Variants in STX7 observed in about 807,000 individuals in gnomAD.
STX7 encodes the protein syntaxin 7, also known as syntaxin-7.
A neutral mutation model predicts 39.6 loss-of-function variants in STX7; 34 were observed. The observed-to-expected ratio is 0.86, with a 90% CI of 0.65 to 1.14. STX7 has a LOEUF of 1.14. STX7 is among the 50% of genes most tolerant of loss of function. The probability of loss-of-function intolerance (pLI) is 0.00; values close to 1 mark genes in which losing one functional copy is unlikely to be tolerated. For missense variants in STX7, 284 were observed against 310.4 expected (o/e 0.92, Z 0.64); for synonymous variants, 119 against 99.1 (o/e 1.20, Z -1.19).
intron 1 of STX7, among the ~76,000 whole-genome samples, chr6:132,512,752 C>T (rs1361607831): frequency 3.3e-5 from 5 of 152,124 alleles, no homozygotes; most frequent in Non-Finnish European, 7.4e-5. Flanking sequence ...GCTGGGTAGG[C>T]CCACCTGACC....
chr6:132,505,431 C>T (rs952630983), intron 1 of STX7, among the ~76,000 whole-genome samples: 5 of 152,178 alleles, frequency 3.3e-5, no homozygotes, highest in Non-Finnish European at 5.9e-5. Context: ...TGCCTGGCCA[C>T]GCTGAAAGTC....
At chr6:132,479,523 G>A (rs1038995124) in intron 2 of STX7, among the ~76,000 whole-genome samples, 1 of 152,178 alleles carries the variant, frequency 6.6e-6, no homozygotes, top group Non-Finnish European at 1.5e-5. Flanking sequence ...TGTTCACCAT[G>A]AATTGTATCT....
intron 2 of STX7, among the ~76,000 whole-genome samples, chr6:132,496,705 A>G (rs1172188475): frequency 1.3e-5 from 2 of 152,218 alleles, no homozygotes; most frequent in African/African-American, 4.8e-5. Context: ...CACAGAAAAT[A>G]CACATGAGAA....
rs959710812 is a variant in STX7, at chr6:132,452,740, T to G, written c.*8018A>C. The G allele has an allele frequency of 6.6e-6, 1 of 152,018 alleles. No individual in the cohort carries two copies. The highest frequency in any genetic ancestry group is 2.4e-5 in the African/African-American group (1 of 41,410). 9.4% of individuals were successfully genotyped at this position (152,018 alleles called of 1,614,324 possible). A position where few individuals can be genotyped will look rare whatever the true frequency, so the allele number is the denominator to read the frequency against. ...GAAGGAAAACAAAATTTAACTGAAA[T>G]GAAGTGAAGTGATCCTGTGATCATG... On this transcript the variant is annotated 3_prime_UTR_variant, in exon 10 of 10. Transcript: ENST00000367941.
At chr6:132,488,634 T>G (rs1157058261) in intron 2 of STX7, among the ~76,000 whole-genome samples, 5 of 152,178 alleles carry the variant, frequency 3.3e-5, no homozygotes, top group African/African-American at 1.2e-4. Flanking sequence ...CATACTTGAG[T>G]GCTAATACTT....
chr6:132,468,502 A>G lies in STX7; in HGVS notation c.538-27T>C, dbSNP rs368619021. 9.6e-6 allele frequency: 15 copies of G among 1,559,434 alleles called. No individual in the cohort carries two copies. In the African/African-American group the frequency reaches 1.7e-4, roughly 17 times the overall value. ...TAAGAGAAAACGCATATATTATTATAATCAGAAATTCAGTCCCCATTCCAT... is the reference window on the plus strand; with the variant it reads ...TAAGAGAAAACGCATATATTATTATGATCAGAAATTCAGTCCCCATTCCAT... On this transcript the variant is annotated intron_variant, in intron 7 of 9. Transcript: ENST00000367941.
intron 2 of STX7, among the ~76,000 whole-genome samples, chr6:132,494,899 C>T (rs1266800581): frequency 6.6e-6 from 1 of 152,140 alleles, no homozygotes; most frequent in African/African-American, 2.4e-5. Flanking sequence ...GTGAGGAGAA[C>T]AATTTGGAGA....
intron 8 of STX7, among the ~76,000 whole-genome samples, chr6:132,467,380 C>T (rs1484714318): frequency 6.6e-6 from 1 of 152,146 alleles, no homozygotes; most frequent in East Asian, 1.9e-4. Context: ...TACCTAACTA[C>T]CCTGTGTCAA....
rs746033591 is a variant in STX7 at position 132,461,473 on chromosome 6, A to AT, written c.694-624dup. Among the ~76,000 whole-genome samples, 461 of 148,132 alleles carry AT rather than the reference A, an allele frequency of 3.1e-3. 1 individual carries two copies. The highest frequency in any genetic ancestry group is 4.5e-3 in the Non-Finnish European group (302 of 66,568). ...AGGCGCGTGCCACCACACCCAGCTA[A>AT]TTTTTTTTTTGTATTTTTAGTAGAG... On this transcript the variant is annotated intron_variant, in intron 9 of 9. Coordinates refer to ENST00000367941, the MANE Select transcript of STX7 (RefSeq NM_003569.3).
chr6:132,489,068 G>A (rs1410236685), intron 2 of STX7, among the ~76,000 whole-genome samples: 1 of 151,986 alleles, frequency 6.6e-6, no homozygotes, highest in Admixed American at 6.6e-5. Context: ...CAAGTATGGT[G>A]GCACACCCCT....
chr6:132,493,559 C>T (rs531717793), intron 2 of STX7, among the ~76,000 whole-genome samples: 1 of 152,312 alleles, frequency 6.6e-6, no homozygotes, highest in South Asian at 2.1e-4. Context: ...TAAGAAGTCC[C>T]CATGCTTTTC....
intron 8 of STX7, among the ~76,000 whole-genome samples, chr6:132,464,557 A>G (rs574915932): frequency 6.6e-6 from 1 of 152,294 alleles, no homozygotes; most frequent in South Asian, 2.1e-4. Flanking sequence ...AAACAAACAA[A>G]CAGAAAAACC....
chr6:132,483,655 C>T (rs528999958), intron 2 of STX7, among the ~76,000 whole-genome samples: 19 of 152,280 alleles, frequency 1.2e-4, no homozygotes, highest in African/African-American at 4.6e-4. Context: ...ATTGTTAGCA[C>T]TCTATCATGT....
rs1050162309 is a variant in STX7 at position 132,503,344 on chromosome 6, C to T, written c.85+102G>A. The T allele has an allele frequency of 1.1e-5, 10 of 935,434 alleles. No individual in the cohort carries two copies. The South Asian group carries it at 1.5e-4, about 14-fold the overall frequency. The allele number at this position is 935,434 out of a possible 1,614,324, so 57.9% of individuals were successfully genotyped here. ...TTTAAAACCTGTTGTTAGAGGAATG[C>T]TCCTCCCTCTCTCAATCAGCAGAGT... On this transcript the variant is annotated intron_variant, in intron 2 of 9. Coordinates refer to ENST00000367941, the MANE Select transcript of STX7 (RefSeq NM_003569.3).
At chr6:132,503,024 A>G (rs760554928) in intron 2 of STX7, among the ~76,000 whole-genome samples, 7 of 152,208 alleles carry the variant, frequency 4.6e-5, no homozygotes, top group Non-Finnish European at 8.8e-5. Flanking sequence ...TGCCCATCAT[A>G]AGATTAACCT....
Position 132,446,595 on chromosome 6 carries a change from A to G in STX7, c.*14163T>C, listed in dbSNP as rs1430596808. The stretch of plus-strand genomic sequence containing the variant: ...TCTCAGGGCCCAGCATTTATTAAGC[A>G]CTCAGCAAATGCTTACTAAATGAAT... On this transcript the variant is annotated 3_prime_UTR_variant, in exon 10 of 10. Transcript: ENST00000367941. 1 of 152,154 alleles carries G rather than the reference A, an allele frequency of 6.6e-6. No homozygotes were observed. The highest frequency in any genetic ancestry group is 1.5e-5 in the Non-Finnish European group (1 of 68,024). 9.4% of individuals were successfully genotyped at this position (152,154 alleles called of 1,614,324 possible).
At chr6:132,481,356 C>A (rs373491695) in intron 2 of STX7, among the ~76,000 whole-genome samples, 56 of 152,078 alleles carry the variant, frequency 3.7e-4, no homozygotes, top group African/African-American at 1.3e-3. Flanking sequence ...GTTGCTAAAG[C>A]AACAAAACTG....
intron 2 of STX7, among the ~76,000 whole-genome samples, chr6:132,481,964 A>G (rs1775025183): frequency 6.6e-6 from 1 of 152,204 alleles, no homozygotes; most frequent in Non-Finnish European, 1.5e-5. Flanking sequence ...CACTGAAATG[A>G]TCAGAATACC....
At position 132,463,978 on chromosome 6, in the gene STX7, T is replaced by C; in HGVS notation, c.693+15A>G. ...AAAGGATAAGTTATAAGAAAATTGA[T>C]CACAGTTAAATTACCTGATAATCTG... On this transcript the variant is annotated intron_variant, in intron 9 of 9. Coordinates refer to ENST00000367941, the MANE Select transcript of STX7 (RefSeq NM_003569.3). 1 of 1,613,300 alleles carries C rather than the reference T, an allele frequency of 6.2e-7. No individual in the cohort carries two copies. The highest frequency in any genetic ancestry group is 1.7e-5 in the Admixed American group (1 of 60,008).
Sources: allele counts gnomAD v4.1 joint callset (sites outside exome capture counted in the v4.1 genomes callset), GRCh38; gene constraint gnomAD v4.1.1; transcripts MANE v1.5; gene names NCBI Gene and HGNC (gene_info 2026-07-23, HGNC 2026-07-21).